The following POGLUT2 variants were observed in gnomAD, a reference collection of about 807,000 sequenced individuals.
POGLUT2 encodes ER protein 58.
In POGLUT2, 47 loss-of-function variants were observed where a neutral mutation model predicts 57.6. The ratio of observed to expected loss-of-function variants is 0.82; its 90% CI spans 0.65 to 1.04. POGLUT2 has a LOEUF of 1.04. POGLUT2 is among the 50% of genes least tolerant of loss of function. POGLUT2 has a pLI of 0.00. For missense variants in POGLUT2, 565 were observed against 614.8 expected, an observed-to-expected ratio of 0.92 and a Z score of 0.86; for synonymous variants, 200 against 218.8, an observed-to-expected ratio of 0.91 and a Z score of 0.76.
chr13:102,796,683 TAAAAAAA>T (rs199885678), intron 2 of POGLUT2, 114 bp downstream of exon 2: 2 of 176,164 alleles, frequency 1.1e-5, no homozygotes, highest in Non-Finnish European at 2.0e-5. Flanking sequence ...CTTCTTTCAG[TAAAAAAA>T]AAAAAAAAAA....
intron 2 of POGLUT2, 67 bp from the exon 3 acceptor site, chr13:102,793,873 A>G: frequency 7.4e-7 from 1 of 1,358,998 alleles, no homozygotes; most frequent in South Asian, 1.2e-5. Context: ...CTTGTAATAA[A>G]CATCTATAAT....
In POGLUT2 at chr13:102,793,672, T is replaced by C; in HGVS notation, c.523A>G (p.Ile175Val). The change falls in exon 3 of 10, where the codon ATT becomes GTT. Residue 175 changes from isoleucine (I) to valine (V), a missense_variant. Ile to Val is a conservative substitution (Grantham distance 29). Coordinates refer to ENST00000376004, the MANE Select transcript of POGLUT2 (RefSeq NM_024089.3). ...AATCTTTTTGGGATTTCTACTGCAA[T>C]CTTTTCTGGATCCACAGCAGGGAAA... ...AHFPAVDPEK[I>V]AVEIPKRFGQ... The C allele has an allele frequency of 1.9e-6, 3 of 1,614,186 alleles. No individual in the cohort carries two copies. The highest frequency in any genetic ancestry group is 2.5e-6 in the Non-Finnish European group (3 of 1,180,028).
chr13:102,796,162 G>A (rs1878368174), intron 2 of POGLUT2, among the ~76,000 whole-genome samples: 1 of 151,898 alleles, frequency 6.6e-6, no homozygotes, highest in South Asian at 2.1e-4. Context: ...TGGCATGGTG[G>A]TGCGTGCCTG....
intron 7 of POGLUT2, among the ~76,000 whole-genome samples, chr13:102,788,664 T>C (rs112391994): frequency 0.021 from 3,224 of 152,258 alleles, 45 homozygotes; most frequent in Non-Finnish European, 0.029. Flanking sequence ...TTTTGTATTT[T>C]TAGTAGAGAT....
intron 2 of POGLUT2, among the ~76,000 whole-genome samples, chr13:102,795,880 A>AG (rs1313529064): frequency 1.3e-5 from 2 of 151,902 alleles, no homozygotes; most frequent in Admixed American, 6.6e-5. Context: ...GGGGTTGTTA[A>AG]GGGGGGGACA....
At chr13:102,784,785 T>C (rs1477521072) in intron 9 of POGLUT2, among the ~76,000 whole-genome samples, 1 of 152,190 alleles carries the variant, frequency 6.6e-6, no homozygotes, top group Admixed American at 6.5e-5. Flanking sequence ...AAGACTAGGA[T>C]AGACAATGAG....
chr13:102,792,099 A>G (rs72653674), intron 4 of POGLUT2: 11 of 1,284,336 alleles, frequency 8.6e-6, no homozygotes, highest in Non-Finnish European at 1.1e-5. Flanking sequence ...CTGATGTCTT[A>G]GTTTAAAGGA....
chr13:102,788,873 A>G, intron 7 of POGLUT2, 139 bp downstream of exon 7: 1 of 741,342 alleles, frequency 1.3e-6, no homozygotes, highest in Non-Finnish European at 2.4e-6. Flanking sequence ...CGTGCCATCT[A>G]TGGGCAGGCA....
rs567728846 is a variant in POGLUT2, at chr13:102,795,883, G to C, written c.388+921C>G. Reference sequence around the variant, plus strand: ...TTTACTTTTCTTGGGGTTGTTAAGGGGGGGACAAGATTTCTGCCTTTGTAT... The same window carrying C: ...TTTACTTTTCTTGGGGTTGTTAAGGCGGGGACAAGATTTCTGCCTTTGTAT... On this transcript the variant is annotated intron_variant, in intron 2 of 9. Transcript: ENST00000376004. Among the ~76,000 whole-genome samples, 7 of 152,088 alleles carry C rather than the reference G, an allele frequency of 4.6e-5. No homozygotes were observed. The South Asian group carries it at 1.2e-3, about 27-fold the overall frequency.
chr13:102,791,582 T>C lies in POGLUT2; in HGVS notation c.673-152A>G. The C allele has an allele frequency of 1.1e-5, 8 of 751,028 alleles. No individual in the cohort carries two copies. In the South Asian group the frequency reaches 1.5e-4, roughly 14 times the overall value. The allele number at this position is 751,028 out of a possible 1,614,324, so 46.5% of individuals were successfully genotyped here. On this transcript the variant is annotated intron_variant, in intron 4 of 9. Coordinates refer to ENST00000376004, the MANE Select transcript of POGLUT2 (RefSeq NM_024089.3). ...ACCTTGGTTTGAATAGTGGGCAATG[T>C]TTCAGAATATGGTCACATGTATAAG...
chr13:102,796,210 G>A (rs1211453633), intron 2 of POGLUT2, among the ~76,000 whole-genome samples: 5 of 150,342 alleles, frequency 3.3e-5, no homozygotes, highest in Non-Finnish European at 5.9e-5. Flanking sequence ...CAGGATAATC[G>A]CTTGAACCCG....
At position 102,789,219 on chromosome 13, in the gene POGLUT2, A is replaced by C; in HGVS notation, c.1086T>G (p.His362Gln). Residue 362 changes from histidine to glutamine, a missense_variant and splice_region_variant, in exon 7 of 10, where the codon CAT becomes CAG. His to Gln is a conservative substitution (Grantham distance 24). Coordinates refer to ENST00000376004, the MANE Select transcript of POGLUT2 (RefSeq NM_024089.3). ...TGCCATCGATATTTATTTGATACTT[A>C]TGCTGCAAAACAATGGTAAAGTCTA... ...KHISFFDFFKHKYQINIDGTV... is the reference protein window; with the variant it reads ...KHISFFDFFKQKYQINIDGTV... The C allele has an allele frequency of 3.1e-6, 5 of 1,613,134 alleles. No homozygotes were observed. The highest frequency in any genetic ancestry group is 4.2e-6 in the Non-Finnish European group (5 of 1,179,058).
At position 102,796,309 on chromosome 13, in the gene POGLUT2, A is replaced by AAATAAAT. The variant is rs1555319539; in HGVS notation, c.388+494_388+495insATTTATT. Among the ~76,000 whole-genome samples the AAATAAAT allele has an allele frequency of 3.9e-3, 496 of 125,972 alleles. 2 individuals carry two copies. The highest frequency in any genetic ancestry group is 0.024 in the Middle Eastern group (6 of 252). 82.6% of individuals were successfully genotyped at this position (125,972 alleles called of 152,430 possible). On this transcript the variant is annotated intron_variant, in intron 2 of 9. Coordinates refer to ENST00000376004, the MANE Select transcript of POGLUT2 (RefSeq NM_024089.3). The stretch of plus-strand genomic sequence containing the variant: ...ACTCTGCCTCAAAAAAAAAAAAAAA[A>AAATAAAT]AAATAAATAAATAAATAAATAAATA...
intron 9 of POGLUT2, 89 bp downstream of exon 9, chr13:102,786,143 G>A (rs1877930750): frequency 1.2e-6 from 1 of 805,876 alleles, no homozygotes; most frequent in South Asian, 1.5e-5. Flanking sequence ...AATATTTGCT[G>A]CCTGATTGAA....
At chr13:102,792,159 G>A (rs1878206016) in intron 4 of POGLUT2, 1 of 973,936 alleles carries the variant, frequency 1.0e-6, no homozygotes, top group Admixed American at 6.2e-5. Flanking sequence ...TTAACAGACT[G>A]TAAGTGCTTT....
At chr13:102,793,275 G>A in intron 4 of POGLUT2, 66 bp downstream of exon 4, 1 of 887,564 alleles carries the variant, frequency 1.1e-6, no homozygotes, top group East Asian at 2.4e-5. Context: ...TTTGTATTTT[G>A]AAAAATTATC....
At chr13:102,789,794 C>T (rs1445662936) in intron 6 of POGLUT2, among the ~76,000 whole-genome samples, 1 of 152,138 alleles carries the variant, frequency 6.6e-6, no homozygotes, top group Non-Finnish European at 1.5e-5. Context: ...GATGCGGTTT[C>T]ACCATGTTGG....
At chr13:102,798,368 A>G in intron 1 of POGLUT2, 121 bp downstream of exon 1, 1 of 867,036 alleles carries the variant, frequency 1.2e-6, no homozygotes, top group Non-Finnish European at 1.7e-6. Context: ...AAAAATGGGT[A>G]ACCAAATATC....
At chr13:102,793,058 G>A (rs1470220257) in intron 4 of POGLUT2, 1 of 337,846 alleles carries the variant, frequency 3.0e-6, no homozygotes, top group African/African-American at 2.1e-5. Flanking sequence ...TTACAGGCGT[G>A]AGCCATGGCA....
Sources: allele counts gnomAD v4.1 joint callset (sites outside exome capture counted in the v4.1 genomes callset), GRCh38; gene constraint gnomAD v4.1.1; transcripts MANE v1.5; gene names NCBI Gene and HGNC (gene_info 2026-07-23, HGNC 2026-07-21).